Variants in HLTF observed in about 807,000 individuals in gnomAD.
HLTF encodes the protein DNA-dependent ATPase/E3 ubiquitin-protein ligase HLTF.
HLTF carries 127 observed loss-of-function variants against 129.4 expected under a neutral mutation model. That is an observed-to-expected ratio of 0.98 (90% CI 0.85 to 1.14). HLTF has a LOEUF of 1.14. Ranked by LOEUF, HLTF falls within the 50% of genes most tolerant of loss-of-function variation. HLTF has a pLI of 0.00. For synonymous variants in HLTF, 332 were observed against 388.8 expected (o/e 0.85, Z 1.72); for missense variants, 1,139 against 1,187.1 (o/e 0.96, Z 0.60).
At position 149,064,842 on chromosome 3, in the gene HLTF, T is replaced by G; in HGVS notation, c.1015A>C (p.Met339Leu). The G allele has an allele frequency of 6.3e-7, 1 of 1,597,710 alleles. No homozygotes were observed. Among genetic ancestry groups the G allele is most frequent in the Non-Finnish European group, 8.6e-7 (1 of 1,165,650 alleles). The change falls in exon 9 of 25, where the codon ATG becomes CTG. Residue 339 changes from methionine (M) to leucine (L), a missense_variant. Transcript: ENST00000310053. ...CTGGTATTGTTTCCTCCAAGTTTCA[T>G]AGAGTCATCGTTAACATTATATTCC... is the stretch of plus-strand genomic sequence containing the variant. ...KKEYNVNDDS[M>L]KLGGNNTSEK...
Position 149,071,639 on chromosome 3 carries a change from T to C in HLTF, c.646A>G (p.Lys216Glu). ...TTEQLKTEFD[K>E]LFEDLKEDDK... ...TCTTCTTTTAAATCTTCAAACAATTTGTCAAATTCTGTTTTAAGCTACAAT... is the reference window on the plus strand; with the variant it reads ...TCTTCTTTTAAATCTTCAAACAATTCGTCAAATTCTGTTTTAAGCTACAAT... Residue 216 changes from lysine to glutamate, a missense_variant, in exon 6 of 25, where the codon AAA becomes GAA. Coordinates refer to ENST00000310053, the MANE Select transcript of HLTF (RefSeq NM_003071.4). 6.3e-7 allele frequency: 1 copy of C among 1,582,258 alleles called. No individual in the cohort carries two copies. The highest frequency in any genetic ancestry group is 8.7e-7 in the Non-Finnish European group (1 of 1,155,852).
At position 149,084,688 on chromosome 3, in the gene HLTF, C is replaced by T. The variant is rs1720191636; in HGVS notation, c.222G>A (p.Thr74=). The change falls in exon 2 of 25, where the codon ACG becomes ACA. Residue 74 remains threonine, a synonymous_variant. Transcript: ENST00000310053. ...TATCTACTATTATACTCACTACTCC[C>T]GTGTAATAGCGTAGTCCAACCACAT... The part of the protein sequence containing the change: ...RGHVVGLRYY[T]GVVNNNEMVA... 3.8e-6 allele frequency: 6 copies of T among 1,598,156 alleles called. No individual in the cohort carries two copies. The East Asian group carries it at 1.1e-4, about 30-fold the overall frequency.
intron 7 of HLTF, 104 bp from the exon 8 acceptor site, chr3:149,068,439 A>C: frequency 1.7e-6 from 1 of 582,148 alleles, no homozygotes. Flanking sequence ...AATATCATTC[A>C]AGGTCACAAA....
At position 149,030,309 on chromosome 3, in the gene HLTF, CCTT is replaced by C. The variant is rs1404025129; in HGVS notation, c.*1908_*1910del. 2 of 151,968 alleles carry C rather than the reference CCTT, an allele frequency of 1.3e-5. No individual in the cohort carries two copies. The highest frequency in any genetic ancestry group is 2.1e-4 in the South Asian group (1 of 4,792). 9.4% of individuals were successfully genotyped at this position (151,968 alleles called of 1,614,324 possible). A position where few individuals can be genotyped will look rare whatever the true frequency, so the allele number is the denominator to read the frequency against. ...TCCAGTGGCTTTTTTATATATTTAT[CCTT>C]CTTAGGAAGGACAAATTAAATTTTT... On this transcript the variant is annotated 3_prime_UTR_variant, in exon 25 of 25. Coordinates refer to ENST00000310053, the MANE Select transcript of HLTF (RefSeq NM_003071.4).
intron 14 of HLTF, among the ~76,000 whole-genome samples, chr3:149,053,793 T>C (rs986682021): frequency 6.6e-6 from 1 of 152,182 alleles, no homozygotes; most frequent in Non-Finnish European, 1.5e-5. Flanking sequence ...ATTTTAAAAA[T>C]ACATCTCTAT....
intron 7 of HLTF, among the ~76,000 whole-genome samples, chr3:149,071,044 CAAA>C (rs796316100): frequency 2.7e-5 from 3 of 112,354 alleles, no homozygotes; most frequent in Non-Finnish European, 3.8e-5. Context: ...GACTCCATCT[CAAA>C]AAAAAAAAAA....
chr3:149,063,293 C>A (rs1181043678), intron 10 of HLTF, 138 bp downstream of exon 10: 5 of 577,846 alleles, frequency 8.7e-6, no homozygotes, highest in Non-Finnish European at 1.6e-5. Context: ...ATCTCCTGAC[C>A]TCATGATCCG....
intron 10 of HLTF, chr3:149,063,063 T>G: frequency 2.2e-6 from 1 of 456,970 alleles, no homozygotes; most frequent in Non-Finnish European, 4.4e-6. Flanking sequence ...ATCTCTCTCT[T>G]TTTCTTTTTT....
intron 3 of HLTF, among the ~76,000 whole-genome samples, chr3:149,074,865 T>A (rs1333511825): frequency 6.6e-6 from 1 of 152,040 alleles, no homozygotes; most frequent in Non-Finnish European, 1.5e-5. Context: ...AATTAGAATA[T>A]CAAGATCCTA....
Position 149,074,424 on chromosome 3 carries a change from T to G in HLTF, c.396-76A>C. The G allele has an allele frequency of 3.0e-6, 4 of 1,354,072 alleles. No homozygotes were observed. The East Asian group carries it at 9.3e-5, about 31-fold the overall frequency. 83.9% of individuals were successfully genotyped at this position (1,354,072 alleles called of 1,614,324 possible). A position where few individuals can be genotyped will look rare whatever the true frequency, so the allele number is the denominator to read the frequency against. ...TCCCCACTAAGAATTAGTTCAATAT[T>G]TTAAGTGTATCATTTACATTTTACA... On this transcript the variant is annotated intron_variant, in intron 3 of 24. Coordinates refer to ENST00000310053, the MANE Select transcript of HLTF (RefSeq NM_003071.4).
intron 8 of HLTF, among the ~76,000 whole-genome samples, chr3:149,066,910 T>A (rs987653277): frequency 6.6e-6 from 1 of 152,088 alleles, no homozygotes; most frequent in Non-Finnish European, 1.5e-5. Flanking sequence ...GTGCAGACAT[T>A]AATAAAATAA....
intron 4 of HLTF, 73 bp downstream of exon 4, chr3:149,074,140 CAA>C (rs1373304946): frequency 6.9e-7 from 1 of 1,446,332 alleles, no homozygotes; most frequent in African/African-American, 1.4e-5. Flanking sequence ...CAACAAACTC[CAA>C]GAGAGAATAA....
At chr3:149,033,658 A>C (rs1715327468) in intron 24 of HLTF, among the ~76,000 whole-genome samples, 2 of 151,994 alleles carry the variant, frequency 1.3e-5, no homozygotes, top group South Asian at 4.2e-4. Context: ...AAAAAGTTGG[A>C]ATTTTCAAAG....
chr3:149,052,482 G>C (rs1464445387), intron 14 of HLTF, among the ~76,000 whole-genome samples: 1 of 152,078 alleles, frequency 6.6e-6, no homozygotes, highest in African/African-American at 2.4e-5. Flanking sequence ...AAGGTTTAGA[G>C]ATAGCTTACA....
rs374881413 is a variant in HLTF, at chr3:149,035,298, A to T, written c.2797-300T>A. Among the ~76,000 whole-genome samples, 500 of 152,090 alleles carry T rather than the reference A, an allele frequency of 3.3e-3. 2 individuals carry two copies. The highest frequency in any genetic ancestry group is 0.018 in the South Asian group (85 of 4,818). ...TGGTTTTTTTTTTCATTTTTAAAAG[A>T]ATCTATGTGTGCTTAACAGCAGAAA... On this transcript the variant is annotated intron_variant, in intron 23 of 24. Coordinates refer to ENST00000310053, the MANE Select transcript of HLTF (RefSeq NM_003071.4).
rs1715126673 is a variant in HLTF, at chr3:149,032,239, C to G, written c.3011G>C (p.Arg1004Thr). The change falls in exon 25 of 25, where the codon AGA (arginine) becomes ACA (threonine). Residue 1004 changes from arginine (R) to threonine (T), a missense_variant. Arg to Thr is a moderately conservative substitution (Grantham distance 71). Transcript: ENST00000310053. ...CACAAATTATAAGTCAATTAATGTT[C>G]TGATTTCATTAATTTTGGCTTGTTT... The part of the protein sequence containing the change: ...EMKQAKINEI[R>T]TLIDL The G allele has an allele frequency of 1.3e-6, 2 of 1,592,112 alleles. No homozygotes were observed. Among genetic ancestry groups the G allele is most frequent in the African/African-American group, 2.7e-5 (2 of 73,378 alleles).
chr3:149,074,325 T>C lies in HLTF; in HGVS notation c.419A>G (p.Asn140Ser), dbSNP rs549292058. 2.6e-5 allele frequency: 42 copies of C among 1,612,806 alleles called. No individual in the cohort carries two copies. Among genetic ancestry groups the C allele is most frequent in the Non-Finnish European group, 3.4e-5 (40 of 1,179,530 alleles). Residue 140 changes from asparagine to serine, a missense_variant, in exon 4 of 25, where the codon AAT becomes AGT. Transcript: ENST00000310053. ...CATATGCAGAGGCATGGTAAAAGCA[T>C]TGTTTGCACCAAAAGGAACTACCCT... The part of the protein sequence containing the change: ...IEGVVPFGAN[N>S]AFTMPLHMTF...
intron 16 of HLTF, 114 bp downstream of exon 16, chr3:149,048,749 T>G: frequency 1.4e-6 from 1 of 710,360 alleles, no homozygotes; most frequent in Non-Finnish European, 2.4e-6. Flanking sequence ...ATTTATATGA[T>G]TAATTTTGGG....
chr3:149,086,256 T>C lies in HLTF; in HGVS notation c.20+61A>G, dbSNP rs895328766. 2.6e-6 allele frequency: 4 copies of C among 1,542,888 alleles called. No homozygotes were observed. The Admixed American group carries it at 7.3e-5, about 28-fold the overall frequency. ...GCAGAGGAACGCGGGGAAGGTCAGG[T>C]TCATTTGGGGACGCCTCCAGGCCGT... On this transcript the variant is annotated intron_variant, in intron 1 of 24. Coordinates refer to ENST00000310053, the MANE Select transcript of HLTF (RefSeq NM_003071.4).
Sources: allele counts gnomAD v4.1 joint callset (sites outside exome capture counted in the v4.1 genomes callset), GRCh38; gene constraint gnomAD v4.1.1; transcripts MANE v1.5; gene names NCBI Gene and HGNC (gene_info 2026-07-23, HGNC 2026-07-21).